The following RFX7 variants were observed in gnomAD, a reference collection of about 807,000 sequenced individuals.
RFX7 encodes DNA-binding protein RFX7.
Under a neutral mutation model 111.8 loss-of-function variants are expected in RFX7, and 26 were observed. That is an observed-to-expected ratio of 0.23 (90% CI 0.17 to 0.32). The LOEUF is 0.32. Ranked by LOEUF, RFX7 falls within the 10% of genes least tolerant of loss-of-function variation. RFX7 has a pLI of 1.00. For synonymous variants in RFX7, 624 were observed against 624.4 expected (o/e 1.00, Z 0.01); for missense variants, 1,573 against 1,772.9 (o/e 0.89, Z 2.02).
rs1317827767 is a variant in RFX7, at chr15:56,096,525, G to A, written c.1203C>T (p.His401=). 3 of 1,602,334 alleles carry A rather than the reference G, an allele frequency of 1.9e-6. No individual in the cohort carries two copies. The highest frequency in any genetic ancestry group is 2.2e-5 in the East Asian group (1 of 44,486). Residue 401 remains histidine, a synonymous_variant, in exon 10 of 10, where the codon CAC becomes CAT. Coordinates refer to ENST00000559447, the MANE Select transcript of RFX7 (RefSeq NM_022841.7). ...LPLNVQVVTQ[H]MQSVKQAPKT... Reference sequence around the variant, plus strand: ...TTGGTGCCTGTTTCACAGACTGCATGTGCTGAGTGACCACCTGTACATTGA... The same window carrying A: ...TTGGTGCCTGTTTCACAGACTGCATATGCTGAGTGACCACCTGTACATTGA...
intron 5 of RFX7, among the ~76,000 whole-genome samples, chr15:56,141,186 A>G (rs1290534537): frequency 6.6e-6 from 1 of 152,028 alleles, no homozygotes; most frequent in Non-Finnish European, 1.5e-5. Flanking sequence ...TCTACAAAAA[A>G]CAAAAACAAA....
rs183814393 is a variant in RFX7 at position 56,094,572 on chromosome 15, G to A, written c.3156C>T (p.Pro1052=). ...SSSPVKPMQR[P]MATHPDKTKL... is the part of the protein sequence containing the mutation. ...TGGTTTTGTCAGGGTGTGTGGCCATGGGTCTTTGCATCGGTTTCACAGGAC... is the reference window on the plus strand; with the variant it reads ...TGGTTTTGTCAGGGTGTGTGGCCATAGGTCTTTGCATCGGTTTCACAGGAC... The change falls in exon 10 of 10, where the codon CCC becomes CCT. Residue 1052 remains proline (P), a synonymous_variant. Transcript: ENST00000559447. 40 of 1,613,930 alleles carry A rather than the reference G, an allele frequency of 2.5e-5. No individual in the cohort carries two copies. In the East Asian group the frequency reaches 4.2e-4, roughly 17 times the overall value.
chr15:56,243,328 C>CGGGGAAGGGTG (rs2043735063), intron 1 of RFX7, 41 bp from the exon 2 acceptor site: 1 of 618,050 alleles, frequency 1.6e-6, no homozygotes, highest in Non-Finnish European at 2.0e-6. Context: ...GATGGGGGCG[C>CGGGGAAGGGTG]GGGGAAGGGT....
Position 56,165,629 on chromosome 15 carries a change from C to T in RFX7, c.195+13641G>A, listed in dbSNP as rs373066572. 2.0e-3 allele frequency among the ~76,000 whole-genome samples: 298 copies of T among 152,188 alleles called. 3 individuals are homozygous for T. The highest frequency in any genetic ancestry group is 6.8e-3 in the African/African-American group (283 of 41,530). On this transcript the variant is annotated intron_variant, in intron 3 of 9. Transcript: ENST00000559447. ...TCATTAGACACGTTCCATTTTTGAC[C>T]AGGTGAGTTTACTTGGCCTTCCAGG...
chr15:56,136,566 G>A (rs1313502517), intron 5 of RFX7, among the ~76,000 whole-genome samples: 1 of 147,512 alleles, frequency 6.8e-6, no homozygotes, highest in Non-Finnish European at 1.5e-5. Context: ...CTGCAAACAG[G>A]GACAATTTGA....
intron 2 of RFX7, among the ~76,000 whole-genome samples, chr15:56,217,063 T>C (rs1596015972): frequency 6.6e-6 from 1 of 152,202 alleles, no homozygotes; most frequent in African/African-American, 2.4e-5. Flanking sequence ...GAAAGAATAG[T>C]ACAACCAAAA....
chr15:56,171,567 A>AG (rs1178378714), intron 3 of RFX7, among the ~76,000 whole-genome samples: 1 of 150,610 alleles, frequency 6.6e-6, no homozygotes, highest in African/African-American at 2.5e-5. Context: ...CTCCAGAAAA[A>AG]AAACAAAACA....
intron 5 of RFX7, among the ~76,000 whole-genome samples, chr15:56,131,639 C>A (rs559151545): frequency 6.6e-6 from 1 of 152,024 alleles, no homozygotes; most frequent in Non-Finnish European, 1.5e-5. Flanking sequence ...CATTTGGATG[C>A]CAAAATATTT....
intron 3 of RFX7, among the ~76,000 whole-genome samples, chr15:56,147,360 A>C (rs1044649304): frequency 3.3e-5 from 5 of 152,314 alleles, no homozygotes; most frequent in African/African-American, 1.2e-4. Context: ...GATTCTGTTT[A>C]TATTAAATAT....
intron 2 of RFX7, among the ~76,000 whole-genome samples, chr15:56,186,176 G>T (rs560654086): frequency 6.6e-6 from 1 of 152,220 alleles, no homozygotes; most frequent in African/African-American, 2.4e-5. Context: ...GAAACTTCCT[G>T]GGTCTGTCTG....
intron 3 of RFX7, among the ~76,000 whole-genome samples, chr15:56,177,842 T>C (rs1012967085): frequency 8.6e-5 from 13 of 151,852 alleles, no homozygotes; most frequent in Admixed American, 5.9e-4. Flanking sequence ...CTCTTAAGAG[T>C]TGGAAGACAG....
intron 2 of RFX7, among the ~76,000 whole-genome samples, chr15:56,224,457 G>C (rs2043459206): frequency 7.8e-6 from 1 of 128,892 alleles, no homozygotes; most frequent in African/African-American, 3.1e-5. Context: ...CTTTTGCCAA[G>C]ATTAGGATTT....
At position 56,088,754 on chromosome 15, in the gene RFX7, G is replaced by C. The variant is rs539024849; in HGVS notation, c.*4591C>G. ...TATGCTGTAGGAGCTGAGGCAACTT[G>C]CATTTGTGATACTCAATAATACCTG... is the stretch of plus-strand genomic sequence containing the variant. On this transcript the variant is annotated 3_prime_UTR_variant, in exon 10 of 10. Transcript: ENST00000559447. 2.0e-5 allele frequency: 3 copies of C among 152,146 alleles called. No homozygotes were observed. Among genetic ancestry groups the C allele is most frequent in the South Asian group, 2.1e-4 (1 of 4,828 alleles). The allele number at this position is 152,146 out of a possible 1,614,324, so 9.4% of individuals were successfully genotyped here.
At chr15:56,112,047 G>A (rs1278255998) in intron 5 of RFX7, among the ~76,000 whole-genome samples, 15 of 151,580 alleles carry the variant, frequency 9.9e-5, no homozygotes, top group Admixed American at 7.9e-4. Flanking sequence ...CCCAGGAGGC[G>A]GAGGTTGCAG....
At chr15:56,155,940 T>C (rs1011267033) in intron 3 of RFX7, among the ~76,000 whole-genome samples, 2 of 152,092 alleles carry the variant, frequency 1.3e-5, no homozygotes, top group African/African-American at 4.8e-5. Flanking sequence ...AGCACCAGTT[T>C]AGAATATACA....
At chr15:56,171,234 A>G (rs1252921864) in intron 3 of RFX7, among the ~76,000 whole-genome samples, 1 of 152,170 alleles carries the variant, frequency 6.6e-6, no homozygotes, top group Non-Finnish European at 1.5e-5. Flanking sequence ...TTTAGGTTAC[A>G]TGAGTGAGTA....
chr15:56,238,552 T>C (rs2043649874), intron 2 of RFX7, among the ~76,000 whole-genome samples: 1 of 152,188 alleles, frequency 6.6e-6, no homozygotes, highest in Non-Finnish European at 1.5e-5. Context: ...ATTGTTTATC[T>C]CTTTCCATAA....
intron 2 of RFX7, among the ~76,000 whole-genome samples, chr15:56,239,343 A>G (rs941090618): frequency 6.6e-6 from 1 of 151,730 alleles, no homozygotes; most frequent in Admixed American, 6.6e-5. Flanking sequence ...ATCTCGGCTC[A>G]CAGCAACCTC....
intron 5 of RFX7, among the ~76,000 whole-genome samples, chr15:56,133,385 T>C (rs2042244487): frequency 6.6e-6 from 1 of 152,072 alleles, no homozygotes; most frequent in Non-Finnish European, 1.5e-5. Context: ...TTTTAATGAC[T>C]ATTAAAGGGA....
Sources: gnomAD v4.1 joint callset for allele counts (sites outside exome capture counted in the v4.1 genomes callset) on GRCh38, gnomAD v4.1.1 for gene constraint, MANE v1.5 for transcripts, NCBI Gene and HGNC (gene_info 2026-07-23, HGNC 2026-07-21) for gene names.